The following CCDC178 variants were observed in gnomAD, a reference collection of about 807,000 sequenced individuals.
CCDC178 encodes the protein coiled-coil domain containing 178.
CCDC178 carries 126 observed loss-of-function variants against 117.4 expected under a neutral mutation model. That is an observed-to-expected ratio of 1.07 (90% CI 0.93 to 1.24). The LOEUF is 1.24. Ranked by LOEUF, CCDC178 falls within the 50% of genes most tolerant of loss-of-function variation. The pLI is 0.00. For missense variants in CCDC178, 1,030 were observed against 986.9 expected (o/e 1.04, Z -0.59); for synonymous variants, 283 against 313.4 (o/e 0.90, Z 1.02).
At chr18:33,416,154 G>A (rs908909662) in intron 2 of CCDC178, among the ~76,000 whole-genome samples, 11 of 152,178 alleles carry the variant, frequency 7.2e-5, no homozygotes, top group African/African-American at 2.7e-4. Context: ...CGGGCCGGGA[G>A]CGATGGCTCA....
chr18:33,253,959 A>G (rs926444415), intron 14 of CCDC178, among the ~76,000 whole-genome samples: 2 of 151,982 alleles, frequency 1.3e-5, no homozygotes, highest in African/African-American at 4.8e-5. Flanking sequence ...ACTGAATAAC[A>G]TAAATGATTC....
At chr18:33,380,014 C>T (rs1300974598) in intron 5 of CCDC178, among the ~76,000 whole-genome samples, 2 of 152,110 alleles carry the variant, frequency 1.3e-5, no homozygotes, top group Non-Finnish European at 2.9e-5. Flanking sequence ...AGAAGGCCAG[C>T]TTAGGCTGCT....
At chr18:33,217,005 A>G (rs937290307) in intron 18 of CCDC178, among the ~76,000 whole-genome samples, 1 of 152,008 alleles carries the variant, frequency 6.6e-6, no homozygotes, top group Non-Finnish European at 1.5e-5. Context: ...TCTTAGCTGA[A>G]GAGTCTCCTC....
chr18:32,986,106 T>C (rs1183476769), intron 21 of CCDC178, among the ~76,000 whole-genome samples: 1 of 152,078 alleles, frequency 6.6e-6, no homozygotes, highest in Non-Finnish European at 1.5e-5. Flanking sequence ...CAAAATGTAA[T>C]GAAAAATTAT....
At chr18:33,218,625 T>C (rs886526467) in intron 18 of CCDC178, among the ~76,000 whole-genome samples, 12 of 152,304 alleles carry the variant, frequency 7.9e-5, no homozygotes, top group African/African-American at 2.4e-4. Context: ...AATTAATTTT[T>C]GTATAAGGTA....
chr18:33,382,342 C>T (rs761915530), intron 5 of CCDC178, among the ~76,000 whole-genome samples: 33 of 152,160 alleles, frequency 2.2e-4, no homozygotes, highest in Admixed American at 3.3e-4. Flanking sequence ...TCTCACTGTA[C>T]AAGTCTTTAA....
chr18:33,042,017 T>G (rs1191256675), intron 21 of CCDC178, among the ~76,000 whole-genome samples: 1 of 151,936 alleles, frequency 6.6e-6, no homozygotes, highest in Admixed American at 6.6e-5. Context: ...AAAGGAAGAA[T>G]AGCGTTGGAA....
chr18:32,938,560 T>G (rs781277186), intron 22 of CCDC178, among the ~76,000 whole-genome samples: 3 of 152,112 alleles, frequency 2.0e-5, no homozygotes, highest in Non-Finnish European at 2.9e-5. Flanking sequence ...AAAGGAAAAT[T>G]TCTTGCCCTC....
At chr18:33,386,041 C>T (rs925286130) in intron 5 of CCDC178, among the ~76,000 whole-genome samples, 1 of 151,894 alleles carries the variant, frequency 6.6e-6, no homozygotes, top group African/African-American at 2.4e-5. Context: ...CACAGAAATA[C>T]AAACAACCAT....
intron 19 of CCDC178, among the ~76,000 whole-genome samples, chr18:33,213,984 G>A (rs1257798685): frequency 6.6e-6 from 1 of 152,030 alleles, no homozygotes; most frequent in Admixed American, 6.6e-5. Context: ...TAAGTAGCTT[G>A]TTGTGGGAAC....
chr18:33,120,126 T>G (rs1484590473), intron 20 of CCDC178, among the ~76,000 whole-genome samples: 2 of 151,856 alleles, frequency 1.3e-5, no homozygotes, highest in African/African-American at 4.8e-5. Flanking sequence ...ATGGCACATG[T>G]ATACATATGT....
At chr18:33,019,290 T>G (rs1212571967) in intron 21 of CCDC178, among the ~76,000 whole-genome samples, 1 of 152,194 alleles carries the variant, frequency 6.6e-6, no homozygotes, top group East Asian at 1.9e-4. Context: ...GTACTATGAT[T>G]ATGTAGCAAG....
chr18:32,938,703 A>G (rs1437323099), intron 22 of CCDC178, among the ~76,000 whole-genome samples: 1 of 152,206 alleles, frequency 6.6e-6, no homozygotes, highest in Non-Finnish European at 1.5e-5. Context: ...TACATGCTGC[A>G]GTAATGTAGG....
intron 21 of CCDC178, among the ~76,000 whole-genome samples, chr18:33,057,380 G>C (rs1567961363): frequency 1.3e-5 from 2 of 152,158 alleles, no homozygotes; most frequent in African/African-American, 2.4e-5. Flanking sequence ...TGACATATAA[G>C]GCACTGTTGG....
At chr18:33,390,553 C>T (rs201255088) in intron 4 of CCDC178, among the ~76,000 whole-genome samples, 13 of 152,140 alleles carry the variant, frequency 8.5e-5, no homozygotes, top group African/African-American at 2.4e-4. Context: ...ATCTCAAAAA[C>T]ATATTGAGCA....
At chr18:33,340,815 G>A (rs773027085) in intron 9 of CCDC178, among the ~76,000 whole-genome samples, 69 of 152,202 alleles carry the variant, frequency 4.5e-4, no homozygotes, top group Non-Finnish European at 7.5e-4. Context: ...GGAAATGCCT[G>A]GATGTCCAGG....
intron 11 of CCDC178, among the ~76,000 whole-genome samples, chr18:33,322,312 T>C (rs1296459181): frequency 3.3e-5 from 5 of 151,982 alleles, no homozygotes; most frequent in Non-Finnish European, 5.9e-5. Context: ...TTGAGTCTGA[T>C]TTTCTGAAAT....
Position 33,089,949 on chromosome 18 carries a change from T to G in CCDC178, c.2388+2812A>C, listed in dbSNP as rs149125467. ...TGAGAAGTCTTAGATTGGATTATTT[T>G]CTATCATTACCCATGAACAGGGCAA... On this transcript the variant is annotated intron_variant, in intron 21 of 22. Transcript: ENST00000383096. 1.7e-3 allele frequency among the ~76,000 whole-genome samples: 258 copies of G among 152,332 alleles called. 2 individuals carry two copies. The highest frequency in any genetic ancestry group is 6.0e-3 in the African/African-American group (248 of 41,584).
At chr18:33,212,556 C>T (rs764508367) in intron 19 of CCDC178, among the ~76,000 whole-genome samples, 30 of 151,880 alleles carry the variant, frequency 2.0e-4, no homozygotes, top group Non-Finnish European at 3.8e-4. Flanking sequence ...TTGAATCAAC[C>T]AACCCTGCAG....
Sources: gnomAD v4.1 joint callset for allele counts (sites outside exome capture counted in the v4.1 genomes callset) on GRCh38, gnomAD v4.1.1 for gene constraint, MANE v1.5 for transcripts, NCBI Gene and HGNC (gene_info 2026-07-23, HGNC 2026-07-21) for gene names.